LGALS4: variants seen among roughly 807,000 people sequenced by gnomAD.
LGALS4 encodes the protein galectin-4.
LGALS4 carries 37 observed loss-of-function variants against 39.6 expected under a neutral mutation model. The observed-to-expected ratio is 0.93, with a 90% CI of 0.72 to 1.23. LGALS4 has a LOEUF of 1.23. Among genes scored for constraint, LGALS4 ranks in the 50% most tolerant of loss-of-function variants. The pLI, the probability that LGALS4 is intolerant of heterozygous loss-of-function variation, is 0.00. For synonymous variants in LGALS4, 160 were observed against 165.5 expected (o/e 0.97, Z 0.25); for missense variants, 397 against 433.2 (o/e 0.92, Z 0.74).
chr19:38,803,806 G>A (rs2145353451), intron 5 of LGALS4, 26 bp from the exon 6 acceptor site: 3 of 1,613,710 alleles, frequency 1.9e-6, no homozygotes, highest in Non-Finnish European at 2.5e-6. Flanking sequence ...AAGGCAGGAA[G>A]GGTGAGAGGG....
At chr19:38,809,861 C>T (rs761463298) in intron 2 of LGALS4, among the ~76,000 whole-genome samples, 13 of 152,122 alleles carry the variant, frequency 8.5e-5, no homozygotes, top group East Asian at 7.7e-4. Flanking sequence ...AAGTCTGCCA[C>T]GGGCCAGGCC....
At chr19:38,810,346 G>A (rs1369147195) in intron 2 of LGALS4, among the ~76,000 whole-genome samples, 1 of 132,680 alleles carries the variant, frequency 7.5e-6, no homozygotes, top group Non-Finnish European at 1.6e-5. Flanking sequence ...GCAGAGATGA[G>A]ATTTCGCCTT....
chr19:38,803,519 T>C lies in LGALS4; in HGVS notation c.570+3A>G, dbSNP rs771872341. 4.3e-6 allele frequency: 7 copies of C among 1,613,742 alleles called. No individual in the cohort carries two copies. Among genetic ancestry groups the C allele is most frequent in the Non-Finnish European group, 5.9e-6 (7 of 1,179,718 alleles). On this transcript the variant is annotated splice_donor_region_variant and intron_variant, in intron 7 of 9. Coordinates refer to ENST00000307751, the MANE Select transcript of LGALS4 (RefSeq NM_006149.4). ...CATCCATCTCTGTTTCCCCAAGCCA[T>C]ACCGGGTTGAAGGTTGGGGGTCCTT...
At chr19:38,804,825 A>AAAAAAAC (rs921950328) in intron 4 of LGALS4, among the ~76,000 whole-genome samples, 10 of 151,948 alleles carry the variant, frequency 6.6e-5, no homozygotes, top group African/African-American at 2.2e-4. Context: ...TCCATCTAAA[A>AAAAAAAC]AAAAAACAAA....
chr19:38,810,864 A>T (rs866743210), intron 2 of LGALS4, among the ~76,000 whole-genome samples: 1 of 149,706 alleles, frequency 6.7e-6, no homozygotes, highest in African/African-American at 2.5e-5. Context: ...TTTTCTTCAT[A>T]GCACTTAATA....
At chr19:38,806,946 C>CAA (rs34812797) in intron 3 of LGALS4, among the ~76,000 whole-genome samples, 3 of 123,866 alleles carry the variant, frequency 2.4e-5, no homozygotes, top group Non-Finnish European at 3.6e-5. Context: ...GACTCTGTCT[C>CAA]AAAAAAAAAA....
chr19:38,808,854 T>TG lies in LGALS4; in HGVS notation c.228dup (p.Asn77GlnfsTer26). 6.2e-7 allele frequency: 1 copy of TG among 1,614,122 alleles called. No individual in the cohort carries two copies. Among genetic ancestry groups the TG allele is most frequent in the East Asian group, 2.2e-5 (1 of 44,870 alleles). On this transcript the variant is annotated frameshift_variant, in exon 3 of 10. Coordinates refer to ENST00000307751, the MANE Select transcript of LGALS4 (RefSeq NM_006149.4). LOFTEE classifies it high-confidence loss of function. ...CCCCACTTCCCGCCCTGCAACGTGT[T>TG]GAAGACCACCTTGTCCCAGCCGTCA...
intron 4 of LGALS4, among the ~76,000 whole-genome samples, chr19:38,804,754 C>G (rs1361936316): frequency 6.6e-6 from 1 of 151,766 alleles, no homozygotes; most frequent in Non-Finnish European, 1.5e-5. Flanking sequence ...ACCTGGGAGG[C>G]AGAGGGTGCA....
chr19:38,808,915 C>A lies in LGALS4; in HGVS notation c.168G>T (p.Pro56=), dbSNP rs754742487. The A allele has an allele frequency of 5.0e-6, 8 of 1,613,450 alleles. No homozygotes were observed. Among genetic ancestry groups the A allele is most frequent in the Non-Finnish European group, 5.9e-6 (7 of 1,179,798 alleles). The change falls in exon 3 of 10, where the codon CCG becomes CCT. Residue 56 remains proline (P), a synonymous_variant. Coordinates refer to ENST00000307751, the MANE Select transcript of LGALS4 (RefSeq NM_006149.4). ...TGAAGTGGAAGGCGACGTCTGAGCC[C>A]GGATCCTGCCCAACCACAAAGTTCA... is the stretch of plus-strand genomic sequence containing the variant. ...FFVNFVVGQD[P]GSDVAFHFNP...
intron 7 of LGALS4, chr19:38,802,997 CTTTTCTTTTTCTTTTTTT>C (rs1196525285): frequency 0.021 from 2,075 of 97,574 alleles, 11 homozygotes; most frequent in Middle Eastern, 0.1. Flanking sequence ...TTTTCTTTTT[CTTTTCTTTTTCTTTTTTT>C]TTTTTTTTTT....
intron 6 of LGALS4, 35 bp from the exon 7 acceptor site, chr19:38,803,586 A>G: frequency 6.2e-7 from 1 of 1,612,066 alleles, no homozygotes; most frequent in South Asian, 1.1e-5. Context: ...TTATTCTCCA[A>G]GAGTCGACAG....
intron 2 of LGALS4, among the ~76,000 whole-genome samples, chr19:38,810,066 A>G (rs768459579): frequency 1.5e-4 from 23 of 152,212 alleles, no homozygotes; most frequent in Non-Finnish European, 3.1e-4. Context: ...TCTGCCTGGA[A>G]GGCCCTTCCC....
At position 38,808,826 on chromosome 19, in the gene LGALS4, C is replaced by CT; in HGVS notation, c.256dup (p.Ser86LysfsTer17). 1 of 1,614,194 alleles carries CT rather than the reference C, an allele frequency of 6.2e-7. No individual in the cohort carries two copies. The highest frequency in any genetic ancestry group is 1.1e-5 in the South Asian group (1 of 91,088). On this transcript the variant is annotated frameshift_variant, in exon 3 of 10. Transcript: ENST00000307751. LOFTEE classifies it high-confidence loss of function. The stretch of plus-strand genomic sequence containing the variant: ...GGGCATGCTCCTCTTCCTCTCCTCG[C>CT]TGCCCCACTTCCCGCCCTGCAACGT...
chr19:38,803,976 G>A, intron 4 of LGALS4, 81 bp from the exon 5 acceptor site: 1 of 1,475,576 alleles, frequency 6.8e-7, no homozygotes, highest in Non-Finnish European at 9.3e-7. Flanking sequence ...CCTGCCCTGG[G>A]GTGGCCCACC....
intron 3 of LGALS4, among the ~76,000 whole-genome samples, chr19:38,807,517 C>A (rs909510733): frequency 6.6e-6 from 1 of 151,900 alleles, no homozygotes; most frequent in Non-Finnish European, 1.5e-5. Context: ...AGGAAACGGC[C>A]GCCCTTCGTC....
At chr19:38,806,721 T>G (rs1971426681) in intron 3 of LGALS4, 126 bp from the exon 4 acceptor site, 1 of 913,172 alleles carries the variant, frequency 1.1e-6, no homozygotes, top group African/African-American at 1.7e-5. Flanking sequence ...CTGAGGGGGG[T>G]GGATCATTTG....
At chr19:38,803,582 T>A (rs1343152941) in intron 6 of LGALS4, 31 bp from the exon 7 acceptor site, 1 of 1,613,014 alleles carries the variant, frequency 6.2e-7, no homozygotes, top group Admixed American at 1.7e-5. Flanking sequence ...GATATTATTC[T>A]CCAAGAGTCG....
rs1233301594 is a variant in LGALS4, at chr19:38,808,932, C to A, written c.151G>T (p.Val51Leu). 1 of 1,611,966 alleles carries A rather than the reference C, an allele frequency of 6.2e-7. No individual in the cohort carries two copies. The highest frequency in any genetic ancestry group is 1.1e-5 in the South Asian group (1 of 90,808). ...TCTGAGCCCGGATCCTGCCCAACCA[C>A]AAAGTTCACGAAGAACCTGGCGGGA... is the stretch of plus-strand genomic sequence containing the variant. ...EHMKRFFVNFVVGQDPGSDVA... is the reference protein window; with the variant it reads ...EHMKRFFVNFLVGQDPGSDVA... Residue 51 changes from valine (V) to leucine (L), a missense_variant, in exon 3 of 10, where the codon GTG becomes TTG. By Grantham distance (32) the Val-to-Leu change is conservative (BLOSUM62 1). Coordinates refer to ENST00000307751, the MANE Select transcript of LGALS4 (RefSeq NM_006149.4).
chr19:38,807,989 C>A (rs891778558), intron 3 of LGALS4, among the ~76,000 whole-genome samples: 2 of 152,096 alleles, frequency 1.3e-5, no homozygotes, highest in Admixed American at 1.3e-4. Flanking sequence ...TGTGGAAGGC[C>A]GCAGGGCCCT....
Sources: allele counts gnomAD v4.1 joint callset (sites outside exome capture counted in the v4.1 genomes callset), GRCh38; gene constraint gnomAD v4.1.1; transcripts MANE v1.5; gene names NCBI Gene and HGNC (gene_info 2026-07-23, HGNC 2026-07-21).